DCAF4: variants seen among roughly 807,000 people sequenced by gnomAD.
DCAF4 encodes the protein DDB1- and CUL4-associated factor 4.
A neutral mutation model predicts 60.9 loss-of-function variants in DCAF4; 37 were observed. That is an observed-to-expected ratio of 0.61 (90% CI 0.47 to 0.80). The LOEUF (loss-of-function observed/expected upper bound fraction) is 0.80, where lower values mean the gene tolerates loss of function less well. Ranked by LOEUF, DCAF4 falls within the 30% of genes least tolerant of loss-of-function variation. The pLI is 0.00. For synonymous variants in DCAF4, 243 were observed against 254.8 expected (o/e 0.95, Z 0.44); for missense variants, 577 against 650.0 (o/e 0.89, Z 1.22).
intron 1 of DCAF4, among the ~76,000 whole-genome samples, chr14:72,937,758 C>T (rs184215630): frequency 3.3e-5 from 5 of 152,098 alleles, no homozygotes; most frequent in South Asian, 4.2e-4. Flanking sequence ...ACTATGTGGT[C>T]GACTAAGGGT....
downstream of DCAF4, chr14:72,961,737 C>A: frequency 1.3e-6 from 1 of 749,288 alleles, no homozygotes; most frequent in Non-Finnish European, 1.6e-6. Flanking sequence ...TGGCTGTGGG[C>A]ATGGGGAATG....
At chr14:72,955,259 G>T (rs1025813713) in intron 11 of DCAF4, among the ~76,000 whole-genome samples, 2 of 152,160 alleles carry the variant, frequency 1.3e-5, no homozygotes, top group Non-Finnish European at 2.9e-5. Flanking sequence ...AAGGCCAAAC[G>T]GGACAGTGCA....
Position 72,940,386 on chromosome 14 carries a change from C to G in DCAF4, c.351+9C>G. The G allele has an allele frequency of 6.2e-7, 1 of 1,606,126 alleles. No homozygotes were observed. Among genetic ancestry groups the G allele is most frequent in the Non-Finnish European group, 8.5e-7 (1 of 1,177,764 alleles). On this transcript the variant is annotated intron_variant, in intron 4 of 13. Transcript: ENST00000358377. The stretch of plus-strand genomic sequence containing the variant: ...AAGACAGACGGAAAAAGGTGGGCTC[C>G]TCACCCCTTCGCCCCCTGTCCTCTC...
At chr14:72,947,328 A>G (rs1890864315) in intron 8 of DCAF4, 137 bp downstream of exon 8, 17 of 1,016,018 alleles carry the variant, frequency 1.7e-5, no homozygotes, top group Non-Finnish European at 2.3e-5. Flanking sequence ...CACGCTTTAG[A>G]AAAAAAAGCA....
chr14:72,942,358 C>CT (rs1369687747), intron 5 of DCAF4: 3 of 155,018 alleles, frequency 1.9e-5, no homozygotes. Context: ...GGGGAACTGT[C>CT]TGACTCCAAC....
At chr14:72,928,585 T>TTATATATATATATATATATATATATA (rs57258334) in intron 1 of DCAF4, among the ~76,000 whole-genome samples, 3 of 15,932 alleles carry the variant, frequency 1.9e-4, no homozygotes, top group African/African-American at 2.8e-4. Context: ...TAAACATCCT[T>TTATATATATATATATATATATATATA]TATATATATA....
chr14:72,959,054 T>C lies in DCAF4; in HGVS notation c.*249T>C. The C allele has an allele frequency of 8.4e-7, 1 of 1,193,372 alleles. No individual in the cohort carries two copies. Among genetic ancestry groups the C allele is most frequent in the Non-Finnish European group, 1.0e-6 (1 of 962,398 alleles). The allele number at this position is 1,193,372 out of a possible 1,614,324, so 73.9% of individuals were successfully genotyped here. ...GTACCTCTTTCCTTTTCTTATTGAA[T>C]TCTTAGAACTTAGTTAACCCTCCCT... On this transcript the variant is annotated 3_prime_UTR_variant, in exon 14 of 14. Transcript: ENST00000358377.
At chr14:72,955,401 C>T (rs772428988) in intron 11 of DCAF4, 122 bp from the exon 12 acceptor site, 17 of 1,161,982 alleles carry the variant, frequency 1.5e-5, no homozygotes, top group Middle Eastern at 2.9e-4. Flanking sequence ...CTGACCAGCA[C>T]GTGTCTAATC....
intron 8 of DCAF4, among the ~76,000 whole-genome samples, chr14:72,949,734 G>A (rs1034004112): frequency 6.6e-6 from 1 of 152,224 alleles, no homozygotes; most frequent in African/African-American, 2.4e-5. Context: ...TCCAGCCTGA[G>A]CGAAAGAGCA....
rs1203573158 is a variant in DCAF4 at position 72,954,412 on chromosome 14, A to G, written c.934A>G (p.Asn312Asp). The G allele has an allele frequency of 2.5e-6, 4 of 1,614,056 alleles. No homozygotes were observed. The Admixed American group carries it at 6.7e-5, about 27-fold the overall frequency. Residue 312 changes from asparagine to aspartate, a missense_variant, in exon 11 of 14, where the codon AAC becomes GAC. By Grantham distance (23) the Asn-to-Asp change is conservative. Transcript: ENST00000358377. ...CTTGTCTCGGCGGGTCCTGTTGACCAACGTGGTGACGGGACACCGGCAGTC... is the reference window on the plus strand; with the variant it reads ...CTTGTCTCGGCGGGTCCTGTTGACCGACGTGGTGACGGGACACCGGCAGTC... ...TGLSRRVLLT[N>D]VVTGHRQSFG...
In DCAF4 at chr14:72,928,187, C is replaced by CTTTTTTTTTTTTTTTTTTTTTTTTT. The variant is rs565229070; in HGVS notation, c.-9+1667_-9+1668insTTTTTTTTTTTTTTTTTTTTTTTTT. 7.1e-4 allele frequency among the ~76,000 whole-genome samples: 48 copies of CTTTTTTTTTTTTTTTTTTTTTTTTT among 67,276 alleles called. 12 individuals carry two copies. The highest frequency in any genetic ancestry group is 3.0e-3 in the African/African-American group (45 of 15,108). 44.1% of individuals were successfully genotyped at this position (67,276 alleles called of 152,430 possible). A position where few individuals can be genotyped will look rare whatever the true frequency, so the allele number is the denominator to read the frequency against. On this transcript the variant is annotated intron_variant, in intron 1 of 13. Transcript: ENST00000358377. The stretch of plus-strand genomic sequence containing the variant: ...CCCGCTAGTCTACAGAATCCCCCCA[C>CTTTTTTTTTTTTTTTTTTTTTTTTT]TTTTTTTTTTTTTTTTTTTTTTTGA...
chr14:72,954,394 C>T lies in DCAF4; in HGVS notation c.916C>T (p.Arg306Trp), dbSNP rs772815628. The T allele has an allele frequency of 3.7e-6, 6 of 1,613,554 alleles. No homozygotes were observed. Among genetic ancestry groups the T allele is most frequent in the African/African-American group, 2.7e-5 (2 of 74,942 alleles). ...ATCTCTGTCTCCGCCAGGCTTGTCTCGGCGGGTCCTGTTGACCAACGTGGT... is the reference window on the plus strand; with the variant it reads ...ATCTCTGTCTCCGCCAGGCTTGTCTTGGCGGGTCCTGTTGACCAACGTGGT... ...ANNCFSTGLS[R>W]RVLLTNVVTG... Residue 306 changes from arginine (R) to tryptophan (W), a missense_variant, in exon 11 of 14, where the codon CGG becomes TGG. Coordinates refer to ENST00000358377, the MANE Select transcript of DCAF4 (RefSeq NM_015604.4).
At chr14:72,931,560 A>G (rs1011532848) in intron 1 of DCAF4, among the ~76,000 whole-genome samples, 33 of 152,112 alleles carry the variant, frequency 2.2e-4, no homozygotes, top group African/African-American at 7.5e-4. Flanking sequence ...TTCCACTACA[A>G]TGTTGAACAG....
At chr14:72,960,979 T>C (rs1485062288), downstream of DCAF4, among the ~76,000 whole-genome samples, 1 of 151,626 alleles carries the variant, frequency 6.6e-6, no homozygotes, top group Non-Finnish European at 1.5e-5. Context: ...CTTGACCTCC[T>C]TGGGCTTGAG....
intron 8 of DCAF4, among the ~76,000 whole-genome samples, chr14:72,949,190 G>A (rs897728547): frequency 2.0e-5 from 3 of 152,168 alleles, no homozygotes; most frequent in African/African-American, 7.2e-5. Flanking sequence ...GGCTCCCACC[G>A]GTAATCTCAG....
At chr14:72,952,642 A>T (rs536693158) in intron 9 of DCAF4, among the ~76,000 whole-genome samples, 6 of 148,690 alleles carry the variant, frequency 4.0e-5, no homozygotes, top group African/African-American at 1.5e-4. Context: ...TGGGAAAGGG[A>T]TGTGAGGGAG....
chr14:72,960,882 C>CT (rs376184952), downstream of DCAF4: 7,712 of 145,764 alleles, frequency 0.053, 257 homozygotes, highest in Non-Finnish European at 0.081. Context: ...CCCCCCCCAC[C>CT]TTTTTTTTTT....
At chr14:72,953,709 TAAAAAAAAAAA>T (rs778771457) in intron 9 of DCAF4, among the ~76,000 whole-genome samples, 13 of 10,068 alleles carry the variant, frequency 1.3e-3, no homozygotes, top group Admixed American at 9.0e-3. Context: ...GACCCTGTCT[TAAAAAAAAAAA>T]AAAAAAAAAA....
intron 2 of DCAF4, among the ~76,000 whole-genome samples, chr14:72,939,470 C>T (rs543490940): frequency 6.6e-6 from 1 of 152,282 alleles, no homozygotes; most frequent in South Asian, 2.1e-4. Context: ...CAAATGAGCC[C>T]AGCTGGTAAA....
Sources: allele counts gnomAD v4.1 joint callset (sites outside exome capture counted in the v4.1 genomes callset), GRCh38; gene constraint gnomAD v4.1.1; transcripts MANE v1.5; gene names NCBI Gene and HGNC (gene_info 2026-07-23, HGNC 2026-07-21).